WTAP: variants seen among roughly 807,000 people sequenced by gnomAD.
WTAP encodes WT1 associated protein, also known as pre-mRNA-splicing regulator WTAP.
In WTAP, 8 loss-of-function variants were observed where a neutral mutation model predicts 50.0. The observed-to-expected ratio is 0.16, with a 90% confidence interval of 0.09 to 0.29. The LOEUF is 0.29. Among genes scored for constraint, WTAP ranks in the 10% least tolerant of loss-of-function variants. The pLI is 1.00. For missense variants in WTAP, 295 were observed against 470.7 expected, an observed-to-expected ratio of 0.63 and a Z score of 3.45; for synonymous variants, 194 against 169.0, an observed-to-expected ratio of 1.15 and a Z score of -1.15.
At position 159,755,765 on chromosome 6, in the gene WTAP, C is replaced by CTTTTTT; in HGVS notation, c.*174_*179dup. On this transcript the variant is annotated 3_prime_UTR_variant, in exon 8 of 8. Coordinates refer to ENST00000621533, the MANE Select transcript of WTAP (RefSeq NM_001270531.2). ...TTTTTCTTTGTTTTTTTTTTCTTTTCTTTTTTTTTTTTTTTTTTTTTTTTT... is the reference window on the plus strand; with the variant it reads ...TTTTTCTTTGTTTTTTTTTTCTTTTCTTTTTTTTTTTTTTTTTTTTTTTTTTTTTTT... The CTTTTTT allele has an allele frequency of 5.8e-3, 1,013 of 173,456 alleles. 74 individuals are homozygous for CTTTTTT. The highest frequency in any genetic ancestry group is 0.018 in the African/African-American group (212 of 11,470). The allele number at this position is 173,456 out of a possible 1,614,324, so 10.7% of individuals were successfully genotyped here.
chr6:159,748,248 A>G lies in WTAP; in HGVS notation c.331A>G (p.Thr111Ala), dbSNP rs768577430. The G allele has an allele frequency of 1.9e-6, 3 of 1,614,128 alleles. No individual in the cohort carries two copies. Among genetic ancestry groups the G allele is most frequent in the East Asian group, 2.2e-5 (1 of 44,888 alleles). Residue 111 changes from threonine (T) to alanine (A), a missense_variant, in exon 6 of 8, where the codon ACA (threonine) becomes GCA (alanine). Coordinates refer to ENST00000621533, the MANE Select transcript of WTAP (RefSeq NM_001270531.2). This position sits in a 1 kb window ranked among gnomAD's most constrained non-coding sequence, Gnocchi z 5.6. Reference sequence around the variant, plus strand: ...GCCGAGCGTTGCCCAACTGAGATCAACAATGGTAGACCCAGCGATCAACTT... The same window carrying G: ...GCCGAGCGTTGCCCAACTGAGATCAGCAATGGTAGACCCAGCGATCAACTT... ...QQPSVAQLRS[T>A]MVDPAINLFF...
At chr6:159,727,745 C>A in intron 1 of WTAP, 42 bp downstream of exon 1, 2 of 984,070 alleles carry the variant, frequency 2.0e-6, no homozygotes, top group Non-Finnish European at 2.4e-6. Context: ...CGGGGGACCT[C>A]CGGGGCCTGA....
At chr6:159,733,447 T>A (rs1778711484) in intron 1 of WTAP, among the ~76,000 whole-genome samples, 1 of 121,992 alleles carries the variant, frequency 8.2e-6, no homozygotes, top group African/African-American at 3.1e-5. Flanking sequence ...CGAAACCCTG[T>A]CTCTACCAAA....
chr6:159,741,387 G>T (rs1413274043), intron 3 of WTAP, among the ~76,000 whole-genome samples: 1 of 152,174 alleles, frequency 6.6e-6, no homozygotes, highest in Non-Finnish European at 1.5e-5. Context: ...ACCTTGAGAA[G>T]AGTCACATGG....
At chr6:159,750,321 G>A (rs1297601585) in intron 6 of WTAP, among the ~76,000 whole-genome samples, 4 of 152,064 alleles carry the variant, frequency 2.6e-5, no homozygotes, top group Non-Finnish European at 2.9e-5. Context: ...ATCTTTCTTT[G>A]ACACTTAGAT....
At chr6:159,737,923 T>C (rs897022671) in intron 2 of WTAP, among the ~76,000 whole-genome samples, 1 of 152,178 alleles carries the variant, frequency 6.6e-6, no homozygotes, top group Non-Finnish European at 1.5e-5. Context: ...TTGAAATAAT[T>C]ATAGATTCAT....
chr6:159,730,556 A>T (rs1460925234), intron 1 of WTAP, among the ~76,000 whole-genome samples: 1 of 152,268 alleles, frequency 6.6e-6, no homozygotes, highest in East Asian at 1.9e-4. Context: ...TGTTGTAGAC[A>T]GTTGTAAATT....
At chr6:159,727,405 C>CGGGAGGCGGGAGGCGGG (rs776642727), upstream of WTAP, 9 of 1,208,880 alleles carry the variant, frequency 7.4e-6, no homozygotes, top group African/African-American at 3.3e-5. Context: ...AGGCGGGAGG[C>CGGGAGGCGGGAGGCGGG]AGTGGCGCTG....
intron 3 of WTAP, among the ~76,000 whole-genome samples, chr6:159,740,513 A>G (rs140180541): frequency 3.0e-4 from 45 of 152,026 alleles, no homozygotes; most frequent in African/African-American, 1.0e-3. Flanking sequence ...ATTTTTCTGT[A>G]CTTCTAAAAT....
chr6:159,735,525 C>T (rs982127594), intron 1 of WTAP, among the ~76,000 whole-genome samples: 6 of 152,086 alleles, frequency 3.9e-5, no homozygotes, highest in South Asian at 2.1e-4. Flanking sequence ...CCAAGGCGGA[C>T]GGGTTGCAAT....
At chr6:159,743,890 G>C (rs1562461469) in intron 5 of WTAP, 98 bp downstream of exon 5, 1 of 1,285,560 alleles carries the variant, frequency 7.8e-7, no homozygotes, top group South Asian at 2.0e-5. Flanking sequence ...CTAAATATAA[G>C]AGCTTATCTT....
At chr6:159,743,594 T>C (rs1459298975) in intron 4 of WTAP, 71 bp from the exon 5 acceptor site, 4 of 1,414,380 alleles carry the variant, frequency 2.8e-6, no homozygotes, top group Non-Finnish European at 2.8e-6. Flanking sequence ...CCCTAGTTCT[T>C]ATTGTTCTTG....
intron 5 of WTAP, among the ~76,000 whole-genome samples, chr6:159,744,174 C>T (rs1319525986): frequency 1.3e-5 from 2 of 152,170 alleles, no homozygotes; most frequent in African/African-American, 4.8e-5. Flanking sequence ...CTTGTCCCCT[C>T]TGTGTATAGA....
intron 3 of WTAP, among the ~76,000 whole-genome samples, chr6:159,740,706 T>G (rs1455054261): frequency 6.6e-6 from 1 of 151,234 alleles, no homozygotes; most frequent in Non-Finnish European, 1.5e-5. Context: ...TCTTTTTTCT[T>G]TCTTTTTTTT....
At chr6:159,735,718 C>T (rs1356642620) in intron 1 of WTAP, among the ~76,000 whole-genome samples, 2 of 152,002 alleles carry the variant, frequency 1.3e-5, no homozygotes, top group Non-Finnish European at 2.9e-5. Flanking sequence ...CACTGCACTC[C>T]ATCCTGGGCG....
At chr6:159,731,563 A>G (rs879859730) in intron 1 of WTAP, among the ~76,000 whole-genome samples, 7 of 152,264 alleles carry the variant, frequency 4.6e-5, no homozygotes, top group Admixed American at 3.3e-4. Flanking sequence ...TGTTAGAAAC[A>G]GTCGGGAGGA....
At chr6:159,754,824 A>G (rs921294303) in intron 7 of WTAP, among the ~76,000 whole-genome samples, 2 of 152,162 alleles carry the variant, frequency 1.3e-5, no homozygotes, top group African/African-American at 4.8e-5. Flanking sequence ...CCAACTGTAT[A>G]TTATTTTAAG....
chr6:159,731,016 C>G (rs886355488), intron 1 of WTAP: 2 of 152,206 alleles, frequency 1.3e-5, no homozygotes, highest in East Asian at 3.9e-4. Context: ...TGGTGCGTGC[C>G]TGTAGTTCCA....
intron 2 of WTAP, among the ~76,000 whole-genome samples, chr6:159,737,560 C>A (rs1424587922): frequency 6.6e-6 from 1 of 152,138 alleles, no homozygotes; most frequent in Non-Finnish European, 1.5e-5. Flanking sequence ...GTGGTACAAT[C>A]TTGGCTCATT....
Sources: gnomAD v4.1 joint callset for allele counts (sites outside exome capture counted in the v4.1 genomes callset) on GRCh38, gnomAD v4.1.1 for gene constraint, Gnocchi (gnomAD v3.1) non-coding constraint, MANE v1.5 for transcripts, NCBI Gene and HGNC (gene_info 2026-07-23, HGNC 2026-07-21) for gene names.